Variants in ROPN1 observed in about 807,000 individuals in gnomAD.
ROPN1 encodes the protein rhophilin associated tail protein 1.
In ROPN1, 14 loss-of-function variants were observed where a neutral mutation model predicts 20.5. The observed-to-expected ratio is 0.68, with a 90% CI of 0.45 to 1.07. The LOEUF is 1.07. Ranked by LOEUF, ROPN1 falls within the 50% of genes least tolerant of loss-of-function variation. ROPN1 has a pLI of 0.00. For synonymous variants in ROPN1, 76 were observed against 95.7 expected, an observed-to-expected ratio of 0.79 and a Z score of 1.20; for missense variants, 169 against 242.8, an observed-to-expected ratio of 0.70 and a Z score of 2.02.
chr3:123,984,909 G>C (rs969561342), intron 1 of ROPN1, among the ~76,000 whole-genome samples: 5 of 151,864 alleles, frequency 3.3e-5, no homozygotes, highest in South Asian at 2.1e-4. Flanking sequence ...ACTTCCCCAG[G>C]GTTTTTCATA....
At chr3:123,986,505 CTG>C (rs1481127623) in intron 1 of ROPN1, among the ~76,000 whole-genome samples, 1 of 151,990 alleles carries the variant, frequency 6.6e-6, no homozygotes, top group African/African-American at 2.4e-5. Context: ...GGTGACTTCT[CTG>C]TGTCCTGCAA....
At chr3:123,986,731 C>G (rs1307234575) in intron 1 of ROPN1, among the ~76,000 whole-genome samples, 1 of 152,150 alleles carries the variant, frequency 6.6e-6, no homozygotes, top group Non-Finnish European at 1.5e-5. Context: ...CATGGGCCAG[C>G]AAAGTGATGT....
intron 1 of ROPN1, among the ~76,000 whole-genome samples, chr3:123,985,796 C>G (rs1358754045): frequency 6.6e-6 from 1 of 151,768 alleles, no homozygotes; most frequent in Non-Finnish European, 1.5e-5. Flanking sequence ...GGGCGGATCA[C>G]TTGAGCTCAG....
chr3:123,972,838 G>T (rs34754688), intron 4 of ROPN1, among the ~76,000 whole-genome samples: 125 of 152,286 alleles, frequency 8.2e-4, no homozygotes, highest in African/African-American at 2.7e-3. Flanking sequence ...TCCACCAGAT[G>T]GTGACCCCTG....
chr3:123,991,868 C>A (rs1232452166), intron 1 of ROPN1, 54 bp downstream of exon 1: 1 of 150,020 alleles, frequency 6.7e-6, no homozygotes, highest in Admixed American at 6.6e-5. Flanking sequence ...ACCAGCGCAG[C>A]CCTCGGGGCG....
intron 1 of ROPN1, among the ~76,000 whole-genome samples, chr3:123,988,293 G>C (rs1174397834): frequency 6.6e-6 from 1 of 152,086 alleles, no homozygotes; most frequent in African/African-American, 2.4e-5. Flanking sequence ...CTACAGGTGT[G>C]TGCTGCCATA....
At chr3:123,990,111 G>C (rs939722802) in intron 1 of ROPN1, among the ~76,000 whole-genome samples, 4 of 152,214 alleles carry the variant, frequency 2.6e-5, no homozygotes, top group Non-Finnish European at 4.4e-5. Flanking sequence ...GAGCTGAAGA[G>C]AGGATGGTGA....
In ROPN1 at chr3:123,976,932, A is replaced by G; in HGVS notation, c.166T>C (p.Ser56Pro). The G allele has an allele frequency of 6.2e-7, 1 of 1,614,100 alleles. No individual in the cohort carries two copies. Among genetic ancestry groups the G allele is most frequent in the Non-Finnish European group, 8.5e-7 (1 of 1,180,022 alleles). Residue 56 changes from serine (S) to proline (P), a missense_variant, in exon 3 of 6, where the codon TCT (serine) becomes CCT (proline). Around this residue, in one of 3 missense-constraint regions of ROPN1, gnomAD observed 84 missense variants for 99.3 expected, o/e 0.85. Coordinates refer to ENST00000405845, the MANE Select transcript of ROPN1 (RefSeq NM_001317774.2). ...RGETPPVRER[S>P]ERVALCNRAE... ...CGGTTACACAAAGCGACTCGCTCAG[A>G]CCGCTCTCTCACCGGAGGCGTCTCT...
intron 4 of ROPN1, among the ~76,000 whole-genome samples, chr3:123,973,211 A>G (rs1269729727): frequency 6.6e-6 from 1 of 152,218 alleles, no homozygotes; most frequent in African/African-American, 2.4e-5. Flanking sequence ...TCCCAGAAAC[A>G]GTCCAGCTCC....
At chr3:123,976,098 C>G (rs1369631662) in intron 3 of ROPN1, among the ~76,000 whole-genome samples, 1 of 152,178 alleles carries the variant, frequency 6.6e-6, no homozygotes, top group African/African-American at 2.4e-5. Context: ...TTTTAGAGCT[C>G]TGTCATGTTC....
chr3:123,969,683 G>A (rs895357141), intron 5 of ROPN1, among the ~76,000 whole-genome samples: 1 of 152,090 alleles, frequency 6.6e-6, no homozygotes, highest in African/African-American at 2.4e-5. Context: ...TCATAGCTAA[G>A]CGTGAGTCAG....
intron 4 of ROPN1, among the ~76,000 whole-genome samples, chr3:123,973,344 G>T (rs1170654411): frequency 2.6e-5 from 4 of 152,158 alleles, no homozygotes; most frequent in Non-Finnish European, 5.9e-5. Flanking sequence ...ATGATGAGGA[G>T]CAAAGTCAGA....
intron 3 of ROPN1, among the ~76,000 whole-genome samples, chr3:123,976,121 A>C (rs113824199): frequency 8.5e-5 from 13 of 152,314 alleles, no homozygotes; most frequent in African/African-American, 3.1e-4. Context: ...TGCACAAGGT[A>C]CTTGGTGGAT....
chr3:123,973,715 T>C (rs1352457048), intron 4 of ROPN1, among the ~76,000 whole-genome samples: 1 of 152,092 alleles, frequency 6.6e-6, no homozygotes, highest in Admixed American at 6.5e-5. Context: ...GTCTGTGAAG[T>C]AGACCACCAG....
In ROPN1 at chr3:123,970,156, G is replaced by C; in HGVS notation, c.458C>G (p.Ser153Trp). The change falls in exon 5 of 6, where the codon TCG (serine) becomes TGG (tryptophan). Residue 153 changes from serine to tryptophan, a missense_variant. Physicochemically the swap from Ser to Trp is radical, Grantham distance 177. Transcript: ENST00000405845. Reference sequence around the variant, plus strand: ...GAAGGTGCTGAACGGGATCCGGGGCGACCCACCATTATGGTCACATGATAA... The same window carrying C: ...GAAGGTGCTGAACGGGATCCGGGGCCACCCACCATTATGGTCACATGATAA... ...EVLSCDHNGG[S>W]PRIPFSTFQF... 1 of 1,614,068 alleles carries C rather than the reference G, an allele frequency of 6.2e-7. No homozygotes were observed. Among genetic ancestry groups the C allele is most frequent in the Non-Finnish European group, 8.5e-7 (1 of 1,179,964 alleles).
At chr3:123,982,160 A>G (rs2038163401) in intron 1 of ROPN1, among the ~76,000 whole-genome samples, 1 of 152,244 alleles carries the variant, frequency 6.6e-6, no homozygotes, top group East Asian at 1.9e-4. Context: ...AGACATACTC[A>G]TGCCAGACAA....
At chr3:123,978,731 G>A (rs985762761) in intron 2 of ROPN1, 2 of 152,584 alleles carry the variant, frequency 1.3e-5, no homozygotes, top group Non-Finnish European at 2.9e-5. Flanking sequence ...CAGGTTTTAA[G>A]TAAGTCACAT....
intron 4 of ROPN1, among the ~76,000 whole-genome samples, chr3:123,973,484 T>TTGAA (rs1416978539): frequency 6.6e-6 from 1 of 152,136 alleles, no homozygotes; most frequent in East Asian, 1.9e-4. Context: ...TCATGGAATA[T>TTGAA]TGAATCCCAC....
At chr3:123,980,740 T>C (rs2038126442) in intron 1 of ROPN1, 5 of 379,860 alleles carry the variant, frequency 1.3e-5, no homozygotes, top group Non-Finnish European at 2.3e-5. Flanking sequence ...AAAGTGGAGG[T>C]CAGCAAAAAA....
Sources: gnomAD v4.1 joint callset for allele counts (sites outside exome capture counted in the v4.1 genomes callset) on GRCh38, gnomAD v4.1.1 for gene constraint, gnomAD v4.1.1 regional missense constraint, MANE v1.5 for transcripts, NCBI Gene and HGNC (gene_info 2026-07-23, HGNC 2026-07-21) for gene names.